JMY: variants seen among roughly 807,000 people sequenced by gnomAD.
The protein encoded by JMY is junction mediating and regulatory protein, p53 cofactor, also known as junction-mediating and -regulatory protein.
Under a neutral mutation model 103.3 loss-of-function variants are expected in JMY, and 46 were observed. That is an observed-to-expected ratio of 0.45 (90% confidence interval 0.35 to 0.57). JMY has a LOEUF of 0.57. Ranked by LOEUF, JMY falls within the 20% of genes least tolerant of loss-of-function variation. The pLI is 0.00. For synonymous variants in JMY, 526 were observed against 489.3 expected, an observed-to-expected ratio of 1.07 and a Z score of -0.99; for missense variants, 1,238 against 1,255.2, an observed-to-expected ratio of 0.99 and a Z score of 0.21.
chr5:79,291,730 A>G (rs1675711919), intron 4 of JMY, among the ~76,000 whole-genome samples: 1 of 152,202 alleles, frequency 6.6e-6, no homozygotes. Context: ...CTACTGGAAC[A>G]CACTGGTCTC....
At chr5:79,296,088 T>G (rs192013880) in intron 4 of JMY, among the ~76,000 whole-genome samples, 3 of 152,220 alleles carry the variant, frequency 2.0e-5, no homozygotes, top group Non-Finnish European at 4.4e-5. Context: ...TCCCAGGGTT[T>G]TTTTAGATTT....
chr5:79,263,180 A>C (rs1400119570), intron 1 of JMY, among the ~76,000 whole-genome samples: 4 of 152,148 alleles, frequency 2.6e-5, no homozygotes, highest in African/African-American at 9.7e-5. Flanking sequence ...ATCTCGAAGA[A>C]AGTGTTAGTT....
intron 1 of JMY, among the ~76,000 whole-genome samples, chr5:79,261,708 T>G (rs1745428541): frequency 6.6e-6 from 1 of 152,198 alleles, no homozygotes; most frequent in South Asian, 2.1e-4. Flanking sequence ...GAGAAAGGCG[T>G]AGACCTGTCT....
At position 79,270,512 on chromosome 5, in the gene JMY, A is replaced by G. The variant is rs28528951; in HGVS notation, c.1033-7398A>G. On this transcript the variant is annotated intron_variant, in intron 1 of 10. Transcript: ENST00000396137. ...TTACATAAAATATATATTTACATAA[A>G]TATTTAAAATATATATTTACATAAA... 1.8e-4 allele frequency among the ~76,000 whole-genome samples: 15 copies of G among 83,038 alleles called. 1 individual carries two copies. Among genetic ancestry groups the G allele is most frequent in the East Asian group, 1.2e-3 (4 of 3,444 alleles). The allele number at this position is 83,038 out of a possible 152,430, so 54.5% of individuals were successfully genotyped here.
chr5:79,276,541 T>C (rs1403046157), intron 1 of JMY, among the ~76,000 whole-genome samples: 1 of 152,186 alleles, frequency 6.6e-6, no homozygotes. Flanking sequence ...TTCTCATGCC[T>C]CAGCCTCCCA....
chr5:79,261,383 AATAAT>A (rs1745417765), intron 1 of JMY, among the ~76,000 whole-genome samples: 1 of 151,960 alleles, frequency 6.6e-6, no homozygotes, highest in Non-Finnish European at 1.5e-5. Flanking sequence ...CTCTACAAAT[AATAAT>A]AATAATAATA....
At chr5:79,302,129 TAGAAC>T (rs2112108883) in intron 6 of JMY, among the ~76,000 whole-genome samples, 1 of 149,746 alleles carries the variant, frequency 6.7e-6, no homozygotes, top group African/African-American at 2.5e-5. Context: ...GCAGGTCTTA[TAGAAC>T]AGTTTTAGGG....
At chr5:79,320,000 A>G (rs1482542914) in intron 10 of JMY, among the ~76,000 whole-genome samples, 3 of 152,190 alleles carry the variant, frequency 2.0e-5, no homozygotes, top group Non-Finnish European at 4.4e-5. Flanking sequence ...TTCCCCTCTG[A>G]AACTCTTCTC....
chr5:79,323,063 C>CAACT lies in JMY; in HGVS notation c.*1462_*1465dup, dbSNP rs1747511909. 1 of 152,072 alleles carries CAACT rather than the reference C, an allele frequency of 6.6e-6. No individual in the cohort carries two copies. Among genetic ancestry groups the CAACT allele is most frequent in the Non-Finnish European group, 1.5e-5 (1 of 68,008 alleles). The allele number at this position is 152,072 out of a possible 1,614,324, so 9.4% of individuals were successfully genotyped here. ...TCTGGCAACAGGTTATGTAAGACAACAACTTTTTTTATTATTTCAAAACAA... is the reference window on the plus strand; with the variant it reads ...TCTGGCAACAGGTTATGTAAGACAACAACTAACTTTTTTTATTATTTCAAAACAA... On this transcript the variant is annotated 3_prime_UTR_variant, in exon 11 of 11. Coordinates refer to ENST00000396137, the MANE Select transcript of JMY (RefSeq NM_152405.5).
intron 1 of JMY, among the ~76,000 whole-genome samples, chr5:79,253,211 T>TTTGTTGTTTCTTTTGTTGTTG (rs1007160574): frequency 2.6e-5 from 4 of 152,172 alleles, no homozygotes; most frequent in African/African-American, 9.7e-5. Flanking sequence ...TTTTTAACTT[T>TTTGTTGTTTCTTTTGTTGTTG]TTGTTGTTTC....
At chr5:79,280,373 C>G (rs1280175892) in intron 2 of JMY, among the ~76,000 whole-genome samples, 1 of 152,154 alleles carries the variant, frequency 6.6e-6, no homozygotes, top group African/African-American at 2.4e-5. Context: ...TTGGTTGACC[C>G]TACTTGTCAG....
chr5:79,260,262 C>T (rs556521677), intron 1 of JMY, among the ~76,000 whole-genome samples: 21 of 152,310 alleles, frequency 1.4e-4, no homozygotes, highest in African/African-American at 5.1e-4. Flanking sequence ...GTGGTTCCTG[C>T]CTGGCCCTGT....
intron 4 of JMY, among the ~76,000 whole-genome samples, chr5:79,295,340 A>G (rs367736272): frequency 2.0e-5 from 3 of 152,368 alleles, no homozygotes; most frequent in East Asian, 1.9e-4. Context: ...GAGCACCTCT[A>G]TAGATCTCAG....
At chr5:79,249,941 C>T (rs941734258) in intron 1 of JMY, among the ~76,000 whole-genome samples, 4 of 152,028 alleles carry the variant, frequency 2.6e-5, no homozygotes, top group Non-Finnish European at 4.4e-5. Flanking sequence ...GCTTTCTGCC[C>T]GTGGTTCTTC....
chr5:79,319,488 G>T (rs1195569532), intron 10 of JMY, among the ~76,000 whole-genome samples: 1 of 152,140 alleles, frequency 6.6e-6, no homozygotes, highest in Non-Finnish European at 1.5e-5. Flanking sequence ...AGACTAAAAG[G>T]CTGTGAACTT....
In JMY at chr5:79,313,166, G is replaced by A. The variant is rs909716226; in HGVS notation, c.2064+668G>A. Among the ~76,000 whole-genome samples, 7 of 152,316 alleles carry A rather than the reference G, an allele frequency of 4.6e-5. 1 individual carries two copies. The South Asian group carries it at 1.2e-3, about 27-fold the overall frequency. On this transcript the variant is annotated intron_variant, in intron 8 of 10. Transcript: ENST00000396137. ...TTGTTATTAAGTAAATGTGGCTCAC[G>A]CCTGTAATCCCAGCACTTTATGAGG...
intron 1 of JMY, among the ~76,000 whole-genome samples, chr5:79,244,902 A>T (rs1055616473): frequency 1.3e-5 from 2 of 151,282 alleles, no homozygotes; most frequent in Non-Finnish European, 2.9e-5. Flanking sequence ...GGGACTTGAT[A>T]ATACCAAGTA....
chr5:79,306,548 A>G, intron 7 of JMY, 87 bp downstream of exon 7: 1 of 910,480 alleles, frequency 1.1e-6, no homozygotes, highest in Non-Finnish European at 1.8e-6. Context: ...TGATAAAAAA[A>G]CTTATAACTG....
Position 79,237,598 on chromosome 5 carries a change from C to G in JMY, c.948C>G (p.Pro316=), listed in dbSNP as rs762589277. 1.1e-4 allele frequency: 171 copies of G among 1,613,564 alleles called. No homozygotes were observed. The highest frequency in any genetic ancestry group is 1.4e-4 in the Non-Finnish European group (165 of 1,180,012). ...SQVLFTETDD[P]EEYYESLSEL... ...TGCTCTTCACCGAGACCGATGATCC[C>G]GAGGAGTATTACGAAAGCCTCAGCG... The change falls in exon 1 of 11, where the codon CCC becomes CCG. Residue 316 remains proline, a synonymous_variant. Coordinates refer to ENST00000396137, the MANE Select transcript of JMY (RefSeq NM_152405.5).
Sources: allele counts gnomAD v4.1 joint callset (sites outside exome capture counted in the v4.1 genomes callset), GRCh38; gene constraint gnomAD v4.1.1; transcripts MANE v1.5; gene names NCBI Gene and HGNC (gene_info 2026-07-23, HGNC 2026-07-21).